The following TXLNB variants were observed in gnomAD, a reference collection of about 807,000 sequenced individuals.
TXLNB encodes beta-taxilin.
In TXLNB, 37 loss-of-function variants were observed where a neutral mutation model predicts 57.4. That is an observed-to-expected ratio of 0.64 (90% CI 0.50 to 0.85). The LOEUF (loss-of-function observed/expected upper bound fraction) is 0.85. Among genes scored for constraint, TXLNB ranks in the 40% least tolerant of loss-of-function variants. The pLI is 0.00. For synonymous variants in TXLNB, 302 were observed against 309.6 expected (o/e 0.98, Z 0.26); for missense variants, 848 against 825.6 (o/e 1.03, Z -0.33).
chr6:139,175,720 G>A, the TXLNB span, among the ~76,000 whole-genome samples: 56 of 152,288 alleles, frequency 3.7e-4, no homozygotes, highest in Non-Finnish European at 6.9e-4. Flanking sequence ...AGCCATGACT[G>A]CACCGTGTGA....
the TXLNB span, among the ~76,000 whole-genome samples, chr6:139,213,639 G>A: frequency 1.4e-4 from 21 of 152,168 alleles, no homozygotes; most frequent in Admixed American, 1.4e-3. Context: ...GAGCAGAGCT[G>A]AAGGAAATAG....
Position 139,288,608 on chromosome 6 carries a change from C to CGTTGTCAGG in TXLNB, c.283_291dup (p.Pro95_Asn97dup), listed in dbSNP as rs756886011. 1 of 1,614,202 alleles carries CGTTGTCAGG rather than the reference C, an allele frequency of 6.2e-7. No homozygotes were observed. The highest frequency in any genetic ancestry group is 2.2e-5 in the East Asian group (1 of 44,892). On this transcript the variant is annotated inframe_insertion, in exon 2 of 10. Coordinates refer to ENST00000358430, the MANE Select transcript of TXLNB (RefSeq NM_153235.4). ...GTTGTTTCCTCACAGTCCCCATCCTCGTTGTCAGGTGATTCTGCATTCTCA... is the reference window on the plus strand; with the variant it reads ...GTTGTTTCCTCACAGTCCCCATCCTCGTTGTCAGGGTTGTCAGGTGATTCTGCATTCTCA...
downstream of TXLNB, chr6:139,237,565 T>C (rs557126236): frequency 6.6e-6 from 1 of 150,950 alleles, no homozygotes; most frequent in East Asian, 2.0e-4. Context: ...CTATTCTAGA[T>C]ATTTTACCTA....
At chr6:139,266,764 C>A (rs1324723819) in intron 4 of TXLNB, among the ~76,000 whole-genome samples, 1 of 151,472 alleles carries the variant, frequency 6.6e-6, no homozygotes, top group East Asian at 1.9e-4. Flanking sequence ...TAGCAAATAC[C>A]AAGTAGGGTA....
the TXLNB span, among the ~76,000 whole-genome samples, chr6:139,224,489 A>T: frequency 6.6e-6 from 1 of 151,900 alleles, no homozygotes; most frequent in Non-Finnish European, 1.5e-5. Context: ...TTCAAAAAAA[A>T]ATATTTGGTC....
chr6:139,316,723 A>G, the TXLNB span, among the ~76,000 whole-genome samples: 1 of 152,248 alleles, frequency 6.6e-6, no homozygotes, highest in Non-Finnish European at 1.5e-5. Context: ...GACATCTGAG[A>G]ACAACTAAGA....
chr6:139,315,286 G>T, the TXLNB span, among the ~76,000 whole-genome samples: 1 of 152,082 alleles, frequency 6.6e-6, no homozygotes, highest in African/African-American at 2.4e-5. Context: ...ATTGCTCAGG[G>T]AGACTGATTT....
At chr6:139,270,400 G>C in intron 4 of TXLNB, 56 bp downstream of exon 4, 1 of 1,507,452 alleles carries the variant, frequency 6.6e-7, no homozygotes. Context: ...AGTAGCAGAG[G>C]CCTGTCTCTG....
the TXLNB span, among the ~76,000 whole-genome samples, chr6:139,176,086 ATGT>A: frequency 6.6e-6 from 1 of 152,184 alleles, no homozygotes; most frequent in East Asian, 1.9e-4. The surrounding 1 kb of genome is among the most constrained non-coding windows in gnomAD (Gnocchi z 4.5). Flanking sequence ...CACACTTTTA[ATGT>A]TGTTCAGAGA....
chr6:139,295,434 G>A (rs1049298288), upstream of TXLNB, among the ~76,000 whole-genome samples: 16 of 152,124 alleles, frequency 1.1e-4, no homozygotes, highest in African/African-American at 3.4e-4. Context: ...AACTGTTTAC[G>A]CAAATATCAC....
the TXLNB span, among the ~76,000 whole-genome samples, chr6:139,222,290 A>G: frequency 1.3e-5 from 2 of 152,208 alleles, no homozygotes; most frequent in African/African-American, 4.8e-5. Flanking sequence ...ATTAACCACA[A>G]GAAAGCTCAT....
chr6:139,322,873 T>C, the TXLNB span, among the ~76,000 whole-genome samples: 1 of 152,372 alleles, frequency 6.6e-6, no homozygotes, highest in African/African-American at 2.4e-5. Context: ...GTATGTTGCA[T>C]GGGGGCAGGC....
At chr6:139,282,298 C>T (rs1196217060) in intron 2 of TXLNB, among the ~76,000 whole-genome samples, 2 of 146,916 alleles carry the variant, frequency 1.4e-5, no homozygotes, top group African/African-American at 2.5e-5. Context: ...GACTAGGGGC[C>T]GGGCGCGGTG....
chr6:139,225,636 A>G, the TXLNB span, among the ~76,000 whole-genome samples: 1 of 152,230 alleles, frequency 6.6e-6, no homozygotes, highest in Admixed American at 6.5e-5. Flanking sequence ...CAAAGACACC[A>G]AGAAAATATA....
At chr6:139,174,336 A>G in the TXLNB span, 1 of 1,563,194 alleles carries the variant, frequency 6.4e-7, no homozygotes, top group Non-Finnish European at 8.7e-7. Context: ...TGGAGATGAA[A>G]TGTGATTTCC....
At position 139,277,127 on chromosome 6, in the gene TXLNB, G is replaced by A. The variant is rs945235074; in HGVS notation, c.425-206C>T. The A allele has an allele frequency of 6.1e-5, 30 of 494,950 alleles. No individual in the cohort carries two copies. In the East Asian group the frequency reaches 8.3e-4, roughly 14 times the overall value. The allele number at this position is 494,950 out of a possible 1,614,324, so 30.7% of individuals were successfully genotyped here. ...TGGGAAGTTTGTGAATGTGTGGTAC[G>A]GTGTGAGGTTCATGGCAGACTCTCA... On this transcript the variant is annotated intron_variant, in intron 2 of 9. Coordinates refer to ENST00000358430, the MANE Select transcript of TXLNB (RefSeq NM_153235.4).
the TXLNB span, among the ~76,000 whole-genome samples, chr6:139,184,273 C>T: frequency 1.3e-5 from 2 of 152,084 alleles, no homozygotes; most frequent in Non-Finnish European, 2.9e-5. Context: ...TGGATGGGCA[C>T]CTTGTTTTCA....
the TXLNB span, among the ~76,000 whole-genome samples, chr6:139,176,028 T>C: frequency 1.3e-5 from 2 of 152,348 alleles, no homozygotes; most frequent in South Asian, 2.1e-4. This position sits in a 1 kb window ranked among gnomAD's most constrained non-coding sequence, Gnocchi z 4.5. Flanking sequence ...TAAGCAATAA[T>C]TGATTCTTAG....
At chr6:139,171,273 T>C in the TXLNB span, among the ~76,000 whole-genome samples, 2 of 152,078 alleles carry the variant, frequency 1.3e-5, no homozygotes, top group Admixed American at 1.3e-4. Context: ...CAACCAAATC[T>C]TGAGAGTACC....
Sources: gnomAD v4.1 joint callset for allele counts (sites outside exome capture counted in the v4.1 genomes callset) on GRCh38, gnomAD v4.1.1 for gene constraint, Gnocchi (gnomAD v3.1) non-coding constraint, MANE v1.5 for transcripts, NCBI Gene and HGNC (gene_info 2026-07-23, HGNC 2026-07-21) for gene names.